ROBO2: variants seen among roughly 807,000 people sequenced by gnomAD.
The protein encoded by ROBO2 is roundabout guidance receptor 2.
ROBO2 carries 53 observed loss-of-function variants against 160.8 expected under a neutral mutation model. The observed-to-expected ratio is 0.33, with a 90% CI of 0.26 to 0.41. ROBO2 has a LOEUF of 0.41. ROBO2 is among the 10% of genes least tolerant of loss of function. The pLI is 1.00. For missense variants in ROBO2, 1,577 were observed against 1,722.4 expected, an observed-to-expected ratio of 0.92 and a Z score of 1.49; for synonymous variants, 664 against 611.7, an observed-to-expected ratio of 1.09 and a Z score of -1.26.
chr3:77,293,497 C>G (rs1272007567), intron 2 of ROBO2, among the ~76,000 whole-genome samples: 1 of 136,954 alleles, frequency 7.3e-6, no homozygotes, highest in African/African-American at 3.0e-5. Flanking sequence ...TAGATCACCC[C>G]AGACATAAAG....
intron 2 of ROBO2, among the ~76,000 whole-genome samples, chr3:77,384,082 A>T (rs537970204): frequency 6.6e-6 from 1 of 152,310 alleles, no homozygotes; most frequent in South Asian, 2.1e-4. Flanking sequence ...GTTCACAAAT[A>T]AACCTAAAAA....
chr3:76,768,989 T>G (rs1336215348), intron 2 of ROBO2, among the ~76,000 whole-genome samples: 1 of 151,496 alleles, frequency 6.6e-6, no homozygotes, highest in East Asian at 2.0e-4. Flanking sequence ...TTAAAATTTC[T>G]GTGGATTAAG....
intron 1 of ROBO2, among the ~76,000 whole-genome samples, chr3:75,936,069 T>C (rs945648140): frequency 6.6e-5 from 10 of 152,204 alleles, no homozygotes; most frequent in Non-Finnish European, 1.3e-4. Context: ...GGAGTGTTTA[T>C]TGGTACTTAA....
chr3:76,677,782 T>G (rs1000779168), intron 2 of ROBO2, among the ~76,000 whole-genome samples: 6 of 151,984 alleles, frequency 3.9e-5, no homozygotes, highest in African/African-American at 1.4e-4. Flanking sequence ...TGTGATCATG[T>G]GATTATAAGT....
intron 2 of ROBO2, among the ~76,000 whole-genome samples, chr3:75,953,248 C>T (rs1948613769): frequency 6.6e-6 from 1 of 151,944 alleles, no homozygotes; most frequent in Non-Finnish European, 1.5e-5. Flanking sequence ...TCCTGTTTCT[C>T]CTCATACTTG....
chr3:77,422,005 A>C (rs1364740702), intron 2 of ROBO2, among the ~76,000 whole-genome samples: 3 of 152,214 alleles, frequency 2.0e-5, no homozygotes, highest in African/African-American at 7.2e-5. Flanking sequence ...ATGAAAAATT[A>C]GATTCATGTG....
chr3:76,700,058 G>C (rs538647639), intron 2 of ROBO2, among the ~76,000 whole-genome samples: 1 of 152,186 alleles, frequency 6.6e-6, no homozygotes, highest in East Asian at 1.9e-4. Context: ...AGTTCTCAGG[G>C]TGGGTGCTGT....
intron 4 of ROBO2, among the ~76,000 whole-genome samples, chr3:77,485,927 C>G (rs903589037): frequency 6.6e-6 from 1 of 152,124 alleles, no homozygotes; most frequent in Non-Finnish European, 1.5e-5. Flanking sequence ...TTCTGATGCT[C>G]TCCCTCACCA....
At chr3:77,205,451 A>T (rs1350084152) in intron 2 of ROBO2, among the ~76,000 whole-genome samples, 1 of 151,080 alleles carries the variant, frequency 6.6e-6, no homozygotes, top group African/African-American at 2.4e-5. Flanking sequence ...TTGTCTCTCC[A>T]TCTCCTTGCC....
chr3:76,085,496 A>AT (rs1201541446), intron 2 of ROBO2, among the ~76,000 whole-genome samples: 1 of 152,196 alleles, frequency 6.6e-6, no homozygotes, highest in Non-Finnish European at 1.5e-5. Context: ...AAAAATATAC[A>AT]TTAGACTTGC....
intron 6 of ROBO2, among the ~76,000 whole-genome samples, chr3:77,540,475 T>C (rs1241442861): frequency 6.6e-6 from 1 of 152,002 alleles, no homozygotes; most frequent in Admixed American, 6.6e-5. Flanking sequence ...CTAAGAAAGC[T>C]GTATTTCTTG....
intron 2 of ROBO2, among the ~76,000 whole-genome samples, chr3:77,369,329 A>T (rs2071407296): frequency 6.6e-6 from 1 of 152,182 alleles, no homozygotes; most frequent in African/African-American, 2.4e-5. Context: ...TACTTGCTAC[A>T]CAATTGTCTA....
chr3:76,940,036 C>G (rs1197630352), intron 2 of ROBO2, among the ~76,000 whole-genome samples: 3 of 132,660 alleles, frequency 2.3e-5, no homozygotes, highest in Non-Finnish European at 4.5e-5. Flanking sequence ...GGCTGGGGTG[C>G]GGTGGCGCTA....
intron 2 of ROBO2, among the ~76,000 whole-genome samples, chr3:77,151,240 TA>T (rs1374056449): frequency 6.6e-6 from 1 of 152,100 alleles, no homozygotes; most frequent in Non-Finnish European, 1.5e-5. Context: ...TATGAGAACA[TA>T]AAAATTTATT....
chr3:77,545,227 T>C (rs1377758614), intron 6 of ROBO2, among the ~76,000 whole-genome samples: 5 of 152,118 alleles, frequency 3.3e-5, no homozygotes, highest in Non-Finnish European at 7.4e-5. Flanking sequence ...CAGTTTGACT[T>C]CTGAAACCCT....
At chr3:77,571,156 A>C (rs193196948) in intron 13 of ROBO2, among the ~76,000 whole-genome samples, 1 of 152,186 alleles carries the variant, frequency 6.6e-6, no homozygotes, top group African/African-American at 2.4e-5. Context: ...GAGATTGAAA[A>C]GAGTGCTTCG....
chr3:75,908,776 TAACTCCTA>T (rs899788922), intron 1 of ROBO2, among the ~76,000 whole-genome samples: 11 of 152,220 alleles, frequency 7.2e-5, no homozygotes, highest in Admixed American at 6.5e-4. Flanking sequence ...AACTTCCAAA[TAACTCCTA>T]AACTCCTAAA....
At chr3:76,618,247 C>T (rs1285410783) in intron 2 of ROBO2, among the ~76,000 whole-genome samples, 1 of 151,414 alleles carries the variant, frequency 6.6e-6, no homozygotes, top group Non-Finnish European at 1.5e-5. Context: ...AAAGTATTAC[C>T]CCATGCTTGG....
intron 2 of ROBO2, among the ~76,000 whole-genome samples, chr3:76,935,742 C>T (rs927017570): frequency 6.6e-5 from 10 of 152,142 alleles, no homozygotes; most frequent in Non-Finnish European, 5.9e-5. Flanking sequence ...TCTCTGAGAC[C>T]TCTTTTATAA....
Sources: allele counts gnomAD v4.1 joint callset (sites outside exome capture counted in the v4.1 genomes callset), GRCh38; gene constraint gnomAD v4.1.1; transcripts MANE v1.5; gene names NCBI Gene and HGNC (gene_info 2026-07-23, HGNC 2026-07-21).